Variants in FRMD6 observed in about 807,000 individuals in gnomAD.
FRMD6 encodes the protein FERM domain-containing protein 6.
A neutral mutation model predicts 73.2 loss-of-function variants in FRMD6; 37 were observed. The ratio of observed to expected loss-of-function variants is 0.51; its 90% confidence interval spans 0.39 to 0.66. The LOEUF is 0.66. Ranked by LOEUF, FRMD6 falls within the 30% of genes least tolerant of loss-of-function variation. The pLI, the probability that FRMD6 is intolerant of heterozygous loss-of-function variation, is 0.00. For missense variants in FRMD6, 714 were observed against 780.5 expected, an observed-to-expected ratio of 0.91 and a Z score of 1.02; for synonymous variants, 273 against 282.2, an observed-to-expected ratio of 0.97 and a Z score of 0.33.
chr14:51,566,413 T>G (rs1887778721), intron 1 of FRMD6, among the ~76,000 whole-genome samples: 1 of 152,244 alleles, frequency 6.6e-6, no homozygotes, highest in Non-Finnish European at 1.5e-5. Flanking sequence ...TTCAGGTAGA[T>G]TTGACCATAT....
chr14:51,609,451 C>T (rs1272196034), intron 2 of FRMD6, among the ~76,000 whole-genome samples: 8 of 152,124 alleles, frequency 5.3e-5, no homozygotes, highest in Non-Finnish European at 1.0e-4. Flanking sequence ...GCTCAGGAAA[C>T]GGTTGGGGAG....
chr14:51,607,095 C>T (rs554043140), intron 2 of FRMD6, among the ~76,000 whole-genome samples: 88 of 152,216 alleles, frequency 5.8e-4, no homozygotes, highest in African/African-American at 2.1e-3. Context: ...CCCTGAGGCC[C>T]ACATGCTAAT....
intron 2 of FRMD6, among the ~76,000 whole-genome samples, chr14:51,577,383 A>G (rs943043949): frequency 2.3e-4 from 35 of 152,206 alleles, no homozygotes; most frequent in Non-Finnish European, 4.9e-4. Context: ...ATCTCCAGCC[A>G]CTATCATCAT....
At chr14:51,705,168 G>A (rs1896551366) in intron 6 of FRMD6, among the ~76,000 whole-genome samples, 1 of 152,044 alleles carries the variant, frequency 6.6e-6, no homozygotes, top group Non-Finnish European at 1.5e-5. Flanking sequence ...ATACAGTGGA[G>A]CTTGGAATTT....
chr14:51,439,359 G>A, the FRMD6 span, among the ~76,000 whole-genome samples: 2 of 152,182 alleles, frequency 1.3e-5, no homozygotes, highest in Non-Finnish European at 2.9e-5. Flanking sequence ...TTCCTCACCT[G>A]GTGAAGCACA....
At chr14:51,545,735 T>G (rs972521985) in intron 1 of FRMD6, among the ~76,000 whole-genome samples, 2 of 152,168 alleles carry the variant, frequency 1.3e-5, no homozygotes, top group African/African-American at 4.8e-5. Flanking sequence ...TATTATTATT[T>G]GCCATTGAAA....
the FRMD6 span, among the ~76,000 whole-genome samples, chr14:51,480,197 T>TGGGAAAAACAGCAGAGCA: frequency 1.3e-5 from 2 of 152,094 alleles, no homozygotes; most frequent in South Asian, 4.1e-4. Flanking sequence ...CAGCAGGCCC[T>TGGGAAAAACAGCAGAGCA]GGGAAAAACA....
chr14:51,514,964 T>C (rs1260883103), intron 1 of FRMD6, among the ~76,000 whole-genome samples: 1 of 152,166 alleles, frequency 6.6e-6, no homozygotes, highest in Non-Finnish European at 1.5e-5. Context: ...TTTAAACTTG[T>C]TTTCTCTTTC....
At chr14:51,398,117 T>C in the FRMD6 span, among the ~76,000 whole-genome samples, 1 of 152,202 alleles carries the variant, frequency 6.6e-6, no homozygotes, top group East Asian at 1.9e-4. Flanking sequence ...TTTACTTGGA[T>C]ATACAAAAAA....
chr14:51,544,617 A>T (rs1886368319), intron 1 of FRMD6, among the ~76,000 whole-genome samples: 1 of 151,174 alleles, frequency 6.6e-6, no homozygotes, highest in South Asian at 2.1e-4. Context: ...TTTCATGTCT[A>T]TTATCTAGTG....
At chr14:51,397,703 A>G in the FRMD6 span, among the ~76,000 whole-genome samples, 4 of 152,228 alleles carry the variant, frequency 2.6e-5, no homozygotes, top group African/African-American at 9.6e-5. Context: ...TGTTTTGAGC[A>G]CTGACATCGC....
chr14:51,626,786 T>C (rs1229540256), intron 2 of FRMD6, among the ~76,000 whole-genome samples: 2 of 152,230 alleles, frequency 1.3e-5, no homozygotes, highest in Non-Finnish European at 2.9e-5. Context: ...TCTTTTCTCA[T>C]CTACAAAATA....
At chr14:51,521,996 A>G (rs571946343) in intron 1 of FRMD6, among the ~76,000 whole-genome samples, 4 of 152,292 alleles carry the variant, frequency 2.6e-5, no homozygotes, top group South Asian at 2.1e-4. Context: ...AATGTAATTG[A>G]AAATGTGGGT....
At chr14:51,661,093 A>T (rs1033917569) in intron 1 of FRMD6, among the ~76,000 whole-genome samples, 6 of 152,074 alleles carry the variant, frequency 3.9e-5, no homozygotes, top group Admixed American at 3.9e-4. Context: ...TGTGCAGAGG[A>T]GTGAGAGGAT....
At chr14:51,553,593 G>A (rs1248433381) in intron 1 of FRMD6, among the ~76,000 whole-genome samples, 1 of 152,116 alleles carries the variant, frequency 6.6e-6, no homozygotes, top group African/African-American at 2.4e-5. Context: ...ATACCTGATT[G>A]TGCAGCTAAA....
chr14:51,518,825 AGTGACT>A (rs1191418988), intron 1 of FRMD6, among the ~76,000 whole-genome samples: 1 of 152,180 alleles, frequency 6.6e-6, no homozygotes, highest in Non-Finnish European at 1.5e-5. Flanking sequence ...TTTTACCATG[AGTGACT>A]GTGGCTATTT....
chr14:51,717,744 CA>C (rs1458732941), intron 10 of FRMD6, among the ~76,000 whole-genome samples: 2 of 151,950 alleles, frequency 1.3e-5, no homozygotes, highest in East Asian at 3.9e-4. Flanking sequence ...ATTAGTTTAG[CA>C]AAAAACAGCA....
At chr14:51,646,621 C>T (rs1433270490) in intron 2 of FRMD6, among the ~76,000 whole-genome samples, 1 of 146,450 alleles carries the variant, frequency 6.8e-6, no homozygotes, top group Non-Finnish European at 1.5e-5. Flanking sequence ...ACTCTGGAAC[C>T]TTTAAGACCC....
chr14:51,433,957 CTT>C, the FRMD6 span, among the ~76,000 whole-genome samples: 1 of 152,206 alleles, frequency 6.6e-6, no homozygotes, highest in Non-Finnish European at 1.5e-5. Context: ...ACGCAAATAT[CTT>C]AATCTATTTG....
Sources: gnomAD v4.1 joint callset for allele counts (sites outside exome capture counted in the v4.1 genomes callset) on GRCh38, gnomAD v4.1.1 for gene constraint, MANE v1.5 for transcripts, NCBI Gene and HGNC (gene_info 2026-07-23, HGNC 2026-07-21) for gene names.